Variants in RASAL1 observed in about 807,000 individuals in gnomAD.
RASAL1 encodes the protein rasGAP-activating-like protein 1.
A neutral mutation model predicts 96.6 loss-of-function variants in RASAL1; 72 were observed. The ratio of observed to expected loss-of-function variants is 0.75; its 90% confidence interval spans 0.62 to 0.91. The LOEUF is 0.91. Ranked by LOEUF, RASAL1 falls within the 40% of genes least tolerant of loss-of-function variation. The pLI, the probability that RASAL1 is intolerant of heterozygous loss-of-function variation, is 0.00. For synonymous variants in RASAL1, 405 were observed against 430.4 expected (o/e 0.94, Z 0.73); for missense variants, 1,016 against 1,072.5 (o/e 0.95, Z 0.74).
chr12:113,135,471 G>T lies in RASAL1; in HGVS notation c.-9C>A. 6.2e-7 allele frequency: 1 copy of T among 1,602,932 alleles called. No homozygotes were observed. On this transcript the variant is annotated 5_prime_UTR_variant, in exon 1 of 21. Coordinates refer to ENST00000548055, the MANE Select transcript of RASAL1 (RefSeq NM_001301202.2). The surrounding 1 kb of genome is among the most constrained non-coding windows in gnomAD (Gnocchi z 5.7). Reference sequence around the variant, plus strand: ...GAGCTGCTCTTGGCCATGGCGCCTAGCCACAAACTTTCCAGGCAGAAGGGC... The same window carrying T: ...GAGCTGCTCTTGGCCATGGCGCCTATCCACAAACTTTCCAGGCAGAAGGGC...
In RASAL1 at chr12:113,121,514, C is replaced by A. The variant is rs761502286; in HGVS notation, c.423G>T (p.Gln141His). The A allele has an allele frequency of 6.2e-7, 1 of 1,614,194 alleles. No individual in the cohort carries two copies. The highest frequency in any genetic ancestry group is 2.2e-5 in the East Asian group (1 of 44,888). ...CACCTCCACCTTAAGCATACCTGGC[C>A]TGAAGCACATGGCAGCGAAGGCAGC... is the stretch of plus-strand genomic sequence containing the variant. ...QGRCLRCHVL[Q>H]ARDLAPRDIS... Residue 141 changes from glutamine (Q) to histidine (H), a missense_variant, in exon 5 of 21, where the codon CAG (glutamine) becomes CAT (histidine). Gln to His is a conservative substitution (Grantham distance 24). Transcript: ENST00000548055.
chr12:113,134,533 A>G (rs1307504689), intron 1 of RASAL1, among the ~76,000 whole-genome samples: 1 of 152,200 alleles, frequency 6.6e-6, no homozygotes, highest in Non-Finnish European at 1.5e-5. Context: ...ATGGGAAACC[A>G]AGGCCCAGAG....
chr12:113,113,224 G>T (rs1018308690), intron 12 of RASAL1, among the ~76,000 whole-genome samples: 24 of 152,278 alleles, frequency 1.6e-4, no homozygotes, highest in African/African-American at 5.8e-4. Context: ...CTGTGTCCTG[G>T]ACCCAACGTG....
rs531863333 is a variant in RASAL1, at chr12:113,132,746, C to T, written c.66-1805G>A. Among the ~76,000 whole-genome samples the T allele has an allele frequency of 4.6e-5, 7 of 152,262 alleles. No individual in the cohort carries two copies. In the South Asian group the frequency reaches 1.2e-3, roughly 27 times the overall value. On this transcript the variant is annotated intron_variant, in intron 1 of 20. Transcript: ENST00000548055. ...CCCTCTCTGGACTCCTTCCCTCATC[C>T]CCCTCTGGCTGGACACTCCAATGCC... is the stretch of plus-strand genomic sequence containing the variant.
chr12:113,125,035 G>C (rs907156034), intron 4 of RASAL1, among the ~76,000 whole-genome samples: 1 of 151,866 alleles, frequency 6.6e-6, no homozygotes, highest in Non-Finnish European at 1.5e-5. Flanking sequence ...GCCAAGGCAG[G>C]AGGATTGCTT....
In RASAL1 at chr12:113,104,223, C is replaced by T. The variant is rs1316654080; in HGVS notation, c.1906G>A (p.Val636Met). Residue 636 changes from valine (V) to methionine (M), a missense_variant, in exon 17 of 21, where the codon GTG (valine) becomes ATG (methionine). Val to Met is a conservative substitution (Grantham distance 21, BLOSUM62 1). Transcript: ENST00000548055. ...VDEGAFQLPH[V>M]MQVVTQDGTG... ...CCGTCCTGCGTCACCACCTGCATCACGTGGGGCAGTTGGAAGGCGCCCTCG... is the reference window on the plus strand; with the variant it reads ...CCGTCCTGCGTCACCACCTGCATCATGTGGGGCAGTTGGAAGGCGCCCTCG... 7 of 1,609,344 alleles carry T rather than the reference C, an allele frequency of 4.3e-6. No individual in the cohort carries two copies. The highest frequency in any genetic ancestry group is 5.1e-6 in the Non-Finnish European group (6 of 1,178,248).
intron 19 of RASAL1, 137 bp from the exon 20 acceptor site, chr12:113,100,817 C>T: frequency 2.9e-6 from 2 of 690,150 alleles, no homozygotes; most frequent in Non-Finnish European, 5.2e-6. Flanking sequence ...ATCATCTACA[C>T]AGCAAACATT....
chr12:113,100,724 C>T, intron 19 of RASAL1, 44 bp from the exon 20 acceptor site: 1 of 1,546,260 alleles, frequency 6.5e-7, no homozygotes, highest in Non-Finnish European at 8.9e-7. Flanking sequence ...CCCTGATTCC[C>T]ATTCCTGCTT....
At chr12:113,116,593 G>A (rs114755787) in intron 8 of RASAL1, among the ~76,000 whole-genome samples, 1,722 of 152,292 alleles carry the variant, frequency 0.011, 33 homozygotes, top group African/African-American at 0.04. Flanking sequence ...ACATAAACAG[G>A]CAGGTGTGGC....
chr12:113,130,767 G>T lies in RASAL1; in HGVS notation c.122+118C>A. 3 of 783,542 alleles carry T rather than the reference G, an allele frequency of 3.8e-6. No individual in the cohort carries two copies. Among genetic ancestry groups the T allele is most frequent in the East Asian group, 5.5e-5 (2 of 36,232 alleles). The allele number at this position is 783,542 out of a possible 1,614,324, so 48.5% of individuals were successfully genotyped here. A position where few individuals can be genotyped will look rare whatever the true frequency, so the allele number is the denominator to read the frequency against. ...CTGGACACAAATCACCCACCTGCAG[G>T]CCCGCGAGTCCCCCTCAGGGTAAGC... On this transcript the variant is annotated intron_variant, in intron 2 of 20. Transcript: ENST00000548055. This position sits in a 1 kb window ranked among gnomAD's most constrained non-coding sequence, Gnocchi z 5.1.
At position 113,099,763 on chromosome 12, in the gene RASAL1, T is replaced by A; in HGVS notation, c.*166A>T. 1 of 989,270 alleles carries A rather than the reference T, an allele frequency of 1.0e-6. No individual in the cohort carries two copies. The allele number at this position is 989,270 out of a possible 1,614,324, so 61.3% of individuals were successfully genotyped here. A position where few individuals can be genotyped will look rare whatever the true frequency, so the allele number is the denominator to read the frequency against. On this transcript the variant is annotated 3_prime_UTR_variant, in exon 21 of 21. Coordinates refer to ENST00000548055, the MANE Select transcript of RASAL1 (RefSeq NM_001301202.2). ...GCTGGCCCCTGCCAAAGGGCTTCCA[T>A]GCCCTGAGTTCTGGACTCAAGGCAC...
chr12:113,115,234 G>T lies in RASAL1; in HGVS notation c.1034C>A (p.Ser345Tyr). 1 of 1,614,006 alleles carries T rather than the reference G, an allele frequency of 6.2e-7. No individual in the cohort carries two copies. Among genetic ancestry groups the T allele is most frequent in the South Asian group, 1.1e-5 (1 of 91,070 alleles). The part of the protein sequence containing the change: ...MDPNTLFRSN[S>Y]LASKSMEQFM... ...CTGTTCCATCGACTTGGATGCCAGG[G>T]AGTTAGAACGGAAGAGGGTGTTGGG... The change falls in exon 11 of 21, where the codon TCC becomes TAC. Residue 345 changes from serine to tyrosine, a missense_variant. Transcript: ENST00000548055. The surrounding 1 kb of genome is among the most constrained non-coding windows in gnomAD (Gnocchi z 4.1).
chr12:113,119,231 CA>C lies in RASAL1; in HGVS notation c.538del (p.Trp180GlyfsTer73). The C allele has an allele frequency of 6.2e-7, 1 of 1,613,804 alleles. No individual in the cohort carries two copies. The highest frequency in any genetic ancestry group is 8.5e-7 in the Non-Finnish European group (1 of 1,179,736). The stretch of plus-strand genomic sequence containing the variant: ...CTCCCGCAGCTCCAGCACTTCATCC[CA>C]GTGCGGGAAGCGAGTCTTCTTGATG... The part of the protein sequence containing the change: ...STIKKTRFPH[W>X]DEVLELREMP... On this transcript the variant is annotated frameshift_variant, in exon 7 of 21. Coordinates refer to ENST00000548055, the MANE Select transcript of RASAL1 (RefSeq NM_001301202.2). LOFTEE classifies it high-confidence loss of function.
chr12:113,103,304 A>C (rs1252838566), intron 18 of RASAL1, among the ~76,000 whole-genome samples: 3 of 151,606 alleles, frequency 2.0e-5, no homozygotes, highest in African/African-American at 7.3e-5. Flanking sequence ...ATAACAATGT[A>C]TAACATTGTA....
chr12:113,113,182 C>G (rs1409683000), intron 12 of RASAL1, among the ~76,000 whole-genome samples: 2 of 152,186 alleles, frequency 1.3e-5, no homozygotes, highest in Admixed American at 6.5e-5. Flanking sequence ...CTTGCCCACA[C>G]CTAGAGTGAC....
In RASAL1 at chr12:113,117,076, G is replaced by A. The variant is rs549788141; in HGVS notation, c.728C>T (p.Ser243Phe). Residue 243 changes from serine (S) to phenylalanine (F), a missense_variant, in exon 8 of 21, where the codon TCT (serine) becomes TTT (phenylalanine). Ser to Phe is a radical substitution (Grantham distance 155). Coordinates refer to ENST00000548055, the MANE Select transcript of RASAL1 (RefSeq NM_001301202.2). Reference protein sequence around the residue: ...LLPFPRAEEDSGGNLGALRVK... With the variant: ...LLPFPRAEEDFGGNLGALRVK... ...CTCCCTCTGCACCCACATTTACCCA[G>A]AATCCTCCTCGGCTCTGGGAAAGGG... 5.6e-6 allele frequency: 9 copies of A among 1,599,702 alleles called. No individual in the cohort carries two copies. The South Asian group carries it at 1.0e-4, about 18-fold the overall frequency.
chr12:113,128,107 A>T lies in RASAL1; in HGVS notation c.194T>A (p.Phe65Tyr), dbSNP rs1951559864. 6.2e-7 allele frequency: 1 copy of T among 1,614,016 alleles called. No homozygotes were observed. The highest frequency in any genetic ancestry group is 8.5e-7 in the Non-Finnish European group (1 of 1,179,996). Residue 65 changes from phenylalanine (F) to tyrosine (Y), a missense_variant, in exon 3 of 21, where the codon TTC becomes TAC. By Grantham distance (22) the Phe-to-Tyr change is conservative. Coordinates refer to ENST00000548055, the MANE Select transcript of RASAL1 (RefSeq NM_001301202.2). ...EEYTVHLPLD[F>Y]HQLAFYVLDE... ...CAGCACGTAGAAGGCCAGCTGGTGG[A>T]AATCCAGAGGCAGGTGCACCGTGTA...
chr12:113,122,240 T>C (rs937951853), intron 4 of RASAL1, among the ~76,000 whole-genome samples: 3 of 152,204 alleles, frequency 2.0e-5, no homozygotes, highest in African/African-American at 4.8e-5. Context: ...CCCCCTGGTA[T>C]AGAAAGAACT....
In RASAL1 at chr12:113,101,873, G is replaced by T; in HGVS notation, c.2225+16C>A. On this transcript the variant is annotated intron_variant, in intron 19 of 20. Coordinates refer to ENST00000548055, the MANE Select transcript of RASAL1 (RefSeq NM_001301202.2). The stretch of plus-strand genomic sequence containing the variant: ...CTGGTCATAGGAGGTGAAGTGGGAT[G>T]GGTGGGGGCACCCACCTGAGCTGGT... 2 of 1,610,774 alleles carry T rather than the reference G, an allele frequency of 1.2e-6. No individual in the cohort carries two copies. Among genetic ancestry groups the T allele is most frequent in the South Asian group, 1.1e-5 (1 of 90,710 alleles).
Sources: gnomAD v4.1 joint callset for allele counts (sites outside exome capture counted in the v4.1 genomes callset) on GRCh38, gnomAD v4.1.1 for gene constraint, Gnocchi (gnomAD v3.1) non-coding constraint, MANE v1.5 for transcripts, NCBI Gene and HGNC (gene_info 2026-07-23, HGNC 2026-07-21) for gene names.